Variants in SHTN1 observed in about 807,000 individuals in gnomAD.
SHTN1 encodes shootin-1.
SHTN1 carries 42 observed loss-of-function variants against 83.1 expected under a neutral mutation model. That is an observed-to-expected ratio of 0.51 (90% CI 0.39 to 0.65). SHTN1 has a LOEUF of 0.65. Among genes scored for constraint, SHTN1 ranks in the 30% least tolerant of loss-of-function variants. The pLI, the probability that SHTN1 is intolerant of heterozygous loss-of-function variation, is 0.00. For synonymous variants in SHTN1, 224 were observed against 247.7 expected, an observed-to-expected ratio of 0.90 and a Z score of 0.90; for missense variants, 622 against 737.8, an observed-to-expected ratio of 0.84 and a Z score of 1.82.
chr10:116,940,280 A>T (rs1849319814), intron 9 of SHTN1, among the ~76,000 whole-genome samples, 186 bp downstream of exon 9: 1 of 152,238 alleles, frequency 6.6e-6, no homozygotes, highest in African/African-American at 2.4e-5. Flanking sequence ...TACAAATTTC[A>T]GTTTCACAAC....
At chr10:116,982,835 G>A (rs779659787) in intron 1 of SHTN1, among the ~76,000 whole-genome samples, 6 of 151,978 alleles carry the variant, frequency 3.9e-5, no homozygotes, top group African/African-American at 1.5e-4. Context: ...GGCAGCACAC[G>A]CCTGTAATCC....
Position 116,901,887 on chromosome 10 carries a change from T to A in SHTN1, c.1551A>T (p.Thr517=), listed in dbSNP as rs1216281205. The A allele has an allele frequency of 6.2e-7, 1 of 1,608,748 alleles. No homozygotes were observed. The highest frequency in any genetic ancestry group is 1.1e-5 in the South Asian group (1 of 90,082). ...GAGTTTTCTTGTTCAAGGCTGTTTTTGTTACACTGGATACAGAACCCAACA... is the reference window on the plus strand; with the variant it reads ...GAGTTTTCTTGTTCAAGGCTGTTTTAGTTACACTGGATACAGAACCCAACA... ...MPVLGSVSSV[T]KTALNKKTLE... is the part of the protein sequence containing the mutation. Residue 517 remains threonine, a synonymous_variant, in exon 16 of 17, where the codon ACA becomes ACT. Coordinates refer to ENST00000355371, the MANE Select transcript of SHTN1 (RefSeq NM_001127211.3).
chr10:117,050,103 A>T (rs774584501), intron 1 of SHTN1, among the ~76,000 whole-genome samples: 1 of 152,086 alleles, frequency 6.6e-6, no homozygotes, highest in African/African-American at 2.4e-5. Flanking sequence ...GAGGCAGGAG[A>T]ATTGCTTGAG....
intron 13 of SHTN1, 63 bp from the exon 14 acceptor site, chr10:116,911,906 T>C: frequency 1.7e-6 from 2 of 1,182,874 alleles, no homozygotes; most frequent in African/African-American, 1.5e-5. Flanking sequence ...TAAACAATGA[T>C]TTTTACATGG....
At chr10:117,051,297 G>A (rs1852737296) in intron 1 of SHTN1, among the ~76,000 whole-genome samples, 1 of 152,062 alleles carries the variant, frequency 6.6e-6, no homozygotes, top group African/African-American at 2.4e-5. Flanking sequence ...AAAACAAGCT[G>A]AGGATTAAAT....
intron 1 of SHTN1, among the ~76,000 whole-genome samples, chr10:117,070,792 G>A (rs1022609918): frequency 2.0e-5 from 3 of 151,414 alleles, no homozygotes; most frequent in Non-Finnish European, 2.9e-5. Flanking sequence ...GGAATTCAAC[G>A]TCGAATCCTT....
chr10:116,923,045 A>C (rs959326011), intron 11 of SHTN1, among the ~76,000 whole-genome samples: 1 of 152,216 alleles, frequency 6.6e-6, no homozygotes, highest in Non-Finnish European at 1.5e-5. Flanking sequence ...CCAATTACAT[A>C]AAGTTCAAAA....
At chr10:117,110,655 C>G (rs1197624025) in intron 1 of SHTN1, among the ~76,000 whole-genome samples, 1 of 152,172 alleles carries the variant, frequency 6.6e-6, no homozygotes, top group East Asian at 1.9e-4. Context: ...GCCACCGTAC[C>G]CAGCTGCAAC....
chr10:116,940,181 C>T (rs1242928113), intron 9 of SHTN1, among the ~76,000 whole-genome samples: 1 of 152,144 alleles, frequency 6.6e-6, no homozygotes, highest in African/African-American at 2.4e-5. Flanking sequence ...TTGCCTTATC[C>T]AAGCTGTTTT....
At chr10:117,093,675 A>C (rs1853466410) in intron 1 of SHTN1, among the ~76,000 whole-genome samples, 1 of 152,232 alleles carries the variant, frequency 6.6e-6, no homozygotes, top group Non-Finnish European at 1.5e-5. Context: ...TTTAGTCATA[A>C]GCTGTACTGT....
At chr10:117,062,771 T>C (rs986585271) in intron 1 of SHTN1, among the ~76,000 whole-genome samples, 1 of 152,212 alleles carries the variant, frequency 6.6e-6, no homozygotes. Flanking sequence ...GGGTCTTCAA[T>C]AATTTTTAAG....
chr10:117,004,814 C>G (rs574260055), intron 1 of SHTN1, among the ~76,000 whole-genome samples: 1 of 152,240 alleles, frequency 6.6e-6, no homozygotes, highest in African/African-American at 2.4e-5. Context: ...CTGACTAGCC[C>G]CGACACTCCG....
At chr10:116,971,902 T>C (rs558852422) in intron 2 of SHTN1, among the ~76,000 whole-genome samples, 2 of 152,316 alleles carry the variant, frequency 1.3e-5, no homozygotes, top group South Asian at 4.1e-4. Flanking sequence ...TTCAGTCAAA[T>C]AGCCAGAGTT....
chr10:117,036,257 C>T (rs1388472889), intron 2 of SHTN1, among the ~76,000 whole-genome samples: 2 of 152,024 alleles, frequency 1.3e-5, no homozygotes, highest in African/African-American at 4.8e-5. Flanking sequence ...AAAGAGCTAC[C>T]ATATGATCCA....
chr10:116,954,314 C>G, intron 4 of SHTN1, 104 bp from the exon 5 acceptor site: 1 of 669,288 alleles, frequency 1.5e-6, no homozygotes. Context: ...ACATATTCAT[C>G]AACACTCACA....
intron 1 of SHTN1, among the ~76,000 whole-genome samples, chr10:117,097,020 CACACACATAG>C (rs978790268): frequency 8.1e-5 from 11 of 135,468 alleles, no homozygotes; most frequent in Admixed American, 2.5e-4. Flanking sequence ...CGCGCACACA[CACACACATAG>C]ACACACACAC....
intron 6 of SHTN1, among the ~76,000 whole-genome samples, chr10:116,951,479 T>C (rs1338331439): frequency 6.6e-6 from 1 of 152,106 alleles, no homozygotes; most frequent in Non-Finnish European, 1.5e-5. Flanking sequence ...CTTGAACCCA[T>C]CCTACCACCT....
chr10:116,949,337 C>T (rs886913579), intron 6 of SHTN1, among the ~76,000 whole-genome samples: 7 of 151,898 alleles, frequency 4.6e-5, no homozygotes, highest in African/African-American at 1.7e-4. Flanking sequence ...CCTATGTTGC[C>T]GAGGCTGGTC....
chr10:117,076,180 C>G (rs1381934206), intron 1 of SHTN1, among the ~76,000 whole-genome samples: 6 of 39,470 alleles, frequency 1.5e-4, no homozygotes. Flanking sequence ...AAGACCCTGT[C>G]TCAAAAAAAA....
Sources: allele counts gnomAD v4.1 joint callset (sites outside exome capture counted in the v4.1 genomes callset), GRCh38; gene constraint gnomAD v4.1.1; transcripts MANE v1.5; gene names NCBI Gene and HGNC (gene_info 2026-07-23, HGNC 2026-07-21).